The following PLXNA4 variants were observed in gnomAD, a reference collection of about 807,000 sequenced individuals.
The protein encoded by PLXNA4 is plexin-A4.
PLXNA4 carries 44 observed loss-of-function variants against 191.8 expected under a neutral mutation model. That is an observed-to-expected ratio of 0.23 (90% CI 0.18 to 0.29). The LOEUF (loss-of-function observed/expected upper bound fraction) is 0.29. Among genes scored for constraint, PLXNA4 ranks in the 10% least tolerant of loss-of-function variants. The probability of loss-of-function intolerance (pLI) is 1.00; values close to 1 mark genes in which losing one functional copy is unlikely to be tolerated. For synonymous variants in PLXNA4, 1,082 were observed against 1,009.5 expected (o/e 1.07, Z -1.36); for missense variants, 1,800 against 2,488.8 (o/e 0.72, Z 5.89).
At chr7:132,157,781 C>G (rs944835918) in intron 25 of PLXNA4, among the ~76,000 whole-genome samples, 3 of 152,188 alleles carry the variant, frequency 2.0e-5, no homozygotes, top group African/African-American at 7.2e-5. Flanking sequence ...CTACCAAACT[C>G]AATTCTCCCT....
intron 5 of PLXNA4, among the ~76,000 whole-genome samples, chr7:132,229,732 A>G (rs1055643976): frequency 4.6e-5 from 7 of 151,988 alleles, no homozygotes; most frequent in Non-Finnish European, 8.8e-5. Context: ...GGGAATCTAC[A>G]TGGGGAGGGA....
Position 132,609,121 on chromosome 7 carries a change from G to A in PLXNA4, c.-87+36807C>T, listed in dbSNP as rs73724092. Among the ~76,000 whole-genome samples the A allele has an allele frequency of 7.3e-3, 1,105 of 152,180 alleles. 14 individuals are homozygous for A. Among genetic ancestry groups the A allele is most frequent in the African/African-American group, 0.026 (1,065 of 41,496 alleles). On this transcript the variant is annotated intron_variant, in intron 2 of 4. Coordinates refer to the PLXNA4 transcript ENST00000378539. ...AGCCCCCTCCGTCCCATTCCCAGTGGGATTCATCACACCTTGATTATAGCA... is the reference window on the plus strand; with the variant it reads ...AGCCCCCTCCGTCCCATTCCCAGTGAGATTCATCACACCTTGATTATAGCA...
intron 29 of PLXNA4, among the ~76,000 whole-genome samples, chr7:132,143,485 A>G (rs1046421784): frequency 2.6e-5 from 4 of 152,228 alleles, no homozygotes; most frequent in Non-Finnish European, 5.9e-5. Context: ...AAGCAGGTAG[A>G]AATGTTTAGA....
At chr7:132,507,485 C>A (rs200886006) in intron 2 of PLXNA4, 21 bp downstream of exon 2, 4 of 1,585,096 alleles carry the variant, frequency 2.5e-6, no homozygotes, top group African/African-American at 1.3e-5. Flanking sequence ...CATCCCAGCG[C>A]GCAGCCCTCC....
intron 8 of PLXNA4, 70 bp downstream of exon 8, chr7:132,226,091 T>C: frequency 2.1e-6 from 3 of 1,414,826 alleles, no homozygotes; most frequent in Non-Finnish European, 3.0e-6. Context: ...GGAATAGTGA[T>C]GGGGTTTTCT....
intron 3 of PLXNA4, among the ~76,000 whole-genome samples, chr7:132,449,606 T>C (rs573248080): frequency 7.3e-4 from 111 of 152,338 alleles, no homozygotes; most frequent in African/African-American, 2.4e-3. Context: ...AACCTGTCCT[T>C]TTCTGGATCC....
At chr7:132,394,784 C>G (rs1201662848) in intron 3 of PLXNA4, among the ~76,000 whole-genome samples, 1 of 152,250 alleles carries the variant, frequency 6.6e-6, no homozygotes, top group Non-Finnish European at 1.5e-5. Flanking sequence ...GGATTCTAGT[C>G]ATGAGGAAGC....
At chr7:132,326,614 C>T (rs1477761698) in intron 3 of PLXNA4, among the ~76,000 whole-genome samples, 1 of 152,192 alleles carries the variant, frequency 6.6e-6, no homozygotes, top group Non-Finnish European at 1.5e-5. Flanking sequence ...CCTCACAAGG[C>T]TGGCCCTCGC....
intron 22 of PLXNA4, among the ~76,000 whole-genome samples, chr7:132,167,160 G>A (rs2116660235): frequency 6.6e-6 from 1 of 152,316 alleles, no homozygotes; most frequent in South Asian, 2.1e-4. Flanking sequence ...TTGGAATAAT[G>A]GCCTAGAGGA....
intron 25 of PLXNA4, among the ~76,000 whole-genome samples, chr7:132,154,013 GC>G (rs1795720712): frequency 6.6e-6 from 1 of 152,214 alleles, no homozygotes; most frequent in Admixed American, 6.5e-5. Flanking sequence ...GGTAGAGCCA[GC>G]AAAATCGACC....
intron 1 of PLXNA4, among the ~76,000 whole-genome samples, chr7:132,563,532 TTTCTCCTCCTCCTCC>T (rs1801482812): frequency 3.2e-5 from 1 of 31,106 alleles, no homozygotes; most frequent in Non-Finnish European, 7.4e-5. Flanking sequence ...CCTCCTCCTC[TTTCTCCTCCTCCTCC>T]TTCTCCTACT....
intron 3 of PLXNA4, among the ~76,000 whole-genome samples, chr7:132,298,879 T>C (rs952156778): frequency 2.0e-5 from 3 of 152,272 alleles, no homozygotes; most frequent in African/African-American, 7.2e-5. Context: ...CACAACCTTC[T>C]GCAAACACTC....
chr7:132,422,424 C>T (rs1017081323), intron 3 of PLXNA4, among the ~76,000 whole-genome samples: 44 of 152,280 alleles, frequency 2.9e-4, no homozygotes, highest in African/African-American at 9.9e-4. Flanking sequence ...ATGCAACTTA[C>T]CCAAAGTCAC....
At chr7:132,165,361 T>C (rs566737095) in intron 22 of PLXNA4, among the ~76,000 whole-genome samples, 161 bp from the exon 23 acceptor site, 13 of 152,360 alleles carry the variant, frequency 8.5e-5, no homozygotes, top group African/African-American at 3.1e-4. Flanking sequence ...GAGAGTTTCA[T>C]GGACTCCTAG....
intron 3 of PLXNA4, among the ~76,000 whole-genome samples, chr7:132,422,249 C>A (rs1739348720): frequency 6.6e-6 from 1 of 152,192 alleles, no homozygotes; most frequent in Non-Finnish European, 1.5e-5. Flanking sequence ...TCCTGCAGAA[C>A]AATGGGTGCC....
intron 2 of PLXNA4, among the ~76,000 whole-genome samples, chr7:132,584,370 G>A (rs1362644274): frequency 2.0e-5 from 3 of 152,154 alleles, no homozygotes; most frequent in East Asian, 3.8e-4. Flanking sequence ...AGATGCTGAC[G>A]TGACCCATGG....
chr7:132,137,319 T>A (rs1373465645), intron 30 of PLXNA4, among the ~76,000 whole-genome samples: 1 of 152,242 alleles, frequency 6.6e-6, no homozygotes, highest in Admixed American at 6.5e-5. Context: ...CCATTCTACT[T>A]ACTTCTTAAA....
chr7:132,415,338 G>A (rs778106896), intron 3 of PLXNA4, among the ~76,000 whole-genome samples: 3 of 152,148 alleles, frequency 2.0e-5, no homozygotes, highest in Non-Finnish European at 2.9e-5. Context: ...TTTATAAGAC[G>A]TGTGTGTGTG....
At chr7:132,552,985 T>A (rs1181576208) in intron 1 of PLXNA4, among the ~76,000 whole-genome samples, 4 of 152,190 alleles carry the variant, frequency 2.6e-5, no homozygotes, top group African/African-American at 9.7e-5. Context: ...GCAGTTAGAA[T>A]GCTTGGCTCA....
Sources: gnomAD v4.1 joint callset for allele counts (sites outside exome capture counted in the v4.1 genomes callset) on GRCh38, gnomAD v4.1.1 for gene constraint, MANE v1.5 for transcripts, NCBI Gene and HGNC (gene_info 2026-07-23, HGNC 2026-07-21) for gene names.